TLCD5: variants seen among roughly 807,000 people sequenced by gnomAD.
The protein encoded by TLCD5 is TLC domain containing 5.
TLCD5 carries 15 observed loss-of-function variants against 20.5 expected under a neutral mutation model. The observed-to-expected ratio is 0.73, with a 90% CI of 0.49 to 1.13. The LOEUF is 1.13. Among genes scored for constraint, TLCD5 ranks in the 50% most tolerant of loss-of-function variants. The pLI, the probability that TLCD5 is intolerant of heterozygous loss-of-function variation, is 0.00. For synonymous variants in TLCD5, 107 were observed against 114.7 expected (o/e 0.93, Z 0.43); for missense variants, 289 against 305.6 (o/e 0.95, Z 0.41).
In TLCD5 at chr11:120,325,317, C is replaced by A. The variant is rs1175038592; in HGVS notation, c.-53C>A. ...CCGCTTCCTGTTGCCGCGATCCGGGCCGGGAGCTGCGGGCGCCCGGGCGCC... is the reference window on the plus strand; with the variant it reads ...CCGCTTCCTGTTGCCGCGATCCGGGACGGGAGCTGCGGGCGCCCGGGCGCC... On this transcript the variant is annotated 5_prime_UTR_variant, in exon 1 of 3. Transcript: ENST00000375095. 1 of 152,248 alleles carries A rather than the reference C, an allele frequency of 6.6e-6. No individual in the cohort carries two copies. Among genetic ancestry groups the A allele is most frequent in the Non-Finnish European group, 1.5e-5 (1 of 68,090 alleles). 9.4% of individuals were successfully genotyped at this position (152,248 alleles called of 1,614,324 possible).
Position 120,330,587 on chromosome 11 carries a change from A to T in TLCD5, c.*72A>T. 6.7e-7 allele frequency: 1 copy of T among 1,483,980 alleles called. No homozygotes were observed. Among genetic ancestry groups the T allele is most frequent in the Non-Finnish European group, 9.0e-7 (1 of 1,109,558 alleles). The allele number at this position is 1,483,980 out of a possible 1,614,324, so 91.9% of individuals were successfully genotyped here. A position where few individuals can be genotyped will look rare whatever the true frequency, so the allele number is the denominator to read the frequency against. ...ACCAGGTTGGAAATATGACTGTTAC[A>T]TAATTACACTTATAACAAACTTAGG... On this transcript the variant is annotated 3_prime_UTR_variant, in exon 3 of 3. Transcript: ENST00000375095.
At chr11:120,328,857 G>A (rs1942073397) in intron 2 of TLCD5, among the ~76,000 whole-genome samples, 1 of 149,048 alleles carries the variant, frequency 6.7e-6, no homozygotes, top group Admixed American at 6.7e-5. Flanking sequence ...GTGTGTGTGT[G>A]TGTGTGTATG....
rs1591461170 is a variant in TLCD5 at position 120,330,161 on chromosome 11, A to G, written c.384A>G (p.Ala128=). The G allele has an allele frequency of 6.2e-7, 1 of 1,603,672 alleles. No individual in the cohort carries two copies. The highest frequency in any genetic ancestry group is 1.1e-5 in the South Asian group (1 of 89,834). ...VLGESGTEVN[A]VLFGSELTNP... ...GGGAGTCTGGCACAGAGGTCAATGCAGTCCTCTTTGGAAGTGAGCTTACCA... is the reference window on the plus strand; with the variant it reads ...GGGAGTCTGGCACAGAGGTCAATGCGGTCCTCTTTGGAAGTGAGCTTACCA... Residue 128 remains alanine (A), a synonymous_variant, in exon 3 of 3, where the codon GCA becomes GCG. Transcript: ENST00000375095.
rs151157198 is a variant in TLCD5, at chr11:120,329,160, T to C, written c.200-817T>C. Among the ~76,000 whole-genome samples, 25 of 152,016 alleles carry C rather than the reference T, an allele frequency of 1.6e-4. No homozygotes were observed. The East Asian group carries it at 4.8e-3, about 29-fold the overall frequency. ...TCCCTTTTAAGTATAACAGTCATAT[T>C]GGATTACTCTAATTACCCCATTTTA... On this transcript the variant is annotated intron_variant, in intron 2 of 2. Transcript: ENST00000375095.
In TLCD5 at chr11:120,331,574, T is replaced by C. The variant is rs1437942881; in HGVS notation, c.*1059T>C. The C allele has an allele frequency of 6.6e-6, 1 of 152,252 alleles. No homozygotes were observed. The highest frequency in any genetic ancestry group is 1.5e-5 in the Non-Finnish European group (1 of 68,070). The allele number at this position is 152,252 out of a possible 1,614,324, so 9.4% of individuals were successfully genotyped here. On this transcript the variant is annotated 3_prime_UTR_variant, in exon 3 of 3. Transcript: ENST00000375095. The surrounding 1 kb of genome is among the most constrained non-coding windows in gnomAD (Gnocchi z 4.5). ...GTGGGAGCCCCTCCAAAATCTAAGT[T>C]CCCAAATGCCGGCCAGTGGCCAACC...
intron 1 of TLCD5, among the ~76,000 whole-genome samples, chr11:120,326,721 T>TTA (rs1338759027): frequency 2.0e-5 from 3 of 152,218 alleles, no homozygotes; most frequent in African/African-American, 7.2e-5. Flanking sequence ...AACTGAATAA[T>TTA]TGCCTTAAGG....
Position 120,328,917 on chromosome 11 carries a change from A to AGTGTGT in TLCD5, c.200-1037_200-1032dup, listed in dbSNP as rs369015878. 5.3e-4 allele frequency among the ~76,000 whole-genome samples: 17 copies of AGTGTGT among 32,290 alleles called. 1 individual carries two copies. Among genetic ancestry groups the AGTGTGT allele is most frequent in the African/African-American group, 2.1e-3 (14 of 6,812 alleles). 21.2% of individuals were successfully genotyped at this position (32,290 alleles called of 152,430 possible). On this transcript the variant is annotated intron_variant, in intron 2 of 2. Transcript: ENST00000375095. ...AATCCCTTCTAAGGATAACAGTCAT[A>AGTGTGT]GTGTGTGTGTGTGTGTGTGTGTGTG...
chr11:120,327,219 A>C (rs1002541902), intron 1 of TLCD5: 6 of 745,544 alleles, frequency 8.0e-6, no homozygotes, highest in Non-Finnish European at 1.3e-5. Context: ...TCCAGTTTAC[A>C]ACATTGACCA....
In TLCD5 at chr11:120,333,406, TC is replaced by T. The variant is rs1942197319; in HGVS notation, c.*2894del. The T allele has an allele frequency of 6.6e-6, 1 of 152,160 alleles. No individual in the cohort carries two copies. The highest frequency in any genetic ancestry group is 2.1e-4 in the South Asian group (1 of 4,822). 9.4% of individuals were successfully genotyped at this position (152,160 alleles called of 1,614,324 possible). On this transcript the variant is annotated 3_prime_UTR_variant, in exon 3 of 3. Coordinates refer to ENST00000375095, the MANE Select transcript of TLCD5 (RefSeq NM_001198671.2). This position sits in a 1 kb window ranked among gnomAD's most constrained non-coding sequence, Gnocchi z 4.5. ...TGAATAATTGGTAAGGGGAAGGGAA[TC>T]CCTCATTTCAGCTTTTCTTGATGTT... is the stretch of plus-strand genomic sequence containing the variant.
intron 2 of TLCD5, 120 bp downstream of exon 2, chr11:120,327,760 AT>A: frequency 9.8e-7 from 1 of 1,020,972 alleles, no homozygotes; most frequent in Non-Finnish European, 1.4e-6. Context: ...TTGTATTGGA[AT>A]CCTTATTCTT....
chr11:120,328,165 C>T (rs528108386), intron 2 of TLCD5, among the ~76,000 whole-genome samples: 3 of 151,960 alleles, frequency 2.0e-5, no homozygotes, highest in Non-Finnish European at 2.9e-5. Context: ...CAGCAAGCTC[C>T]GCCTCCCAGG....
intron 1 of TLCD5, 37 bp from the exon 2 acceptor site, chr11:120,327,404 A>C: frequency 6.2e-7 from 1 of 1,614,090 alleles, no homozygotes; most frequent in African/African-American, 1.3e-5. Flanking sequence ...CTTAGGGTGC[A>C]TCCTTTGTTT....
Position 120,328,562 on chromosome 11 carries a change from C to T in TLCD5, c.199+922C>T, listed in dbSNP as rs1304836795. Among the ~76,000 whole-genome samples, 3 of 151,294 alleles carry T rather than the reference C, an allele frequency of 2.0e-5. No homozygotes were observed. The East Asian group carries it at 5.8e-4, about 29-fold the overall frequency. ...CCTCTGTCCTTGGCTTGCACATGGC[C>T]GCTCTCCCACTGTGTCCTTCCATGG... On this transcript the variant is annotated intron_variant, in intron 2 of 2. Coordinates refer to ENST00000375095, the MANE Select transcript of TLCD5 (RefSeq NM_001198671.2).
intron 2 of TLCD5, among the ~76,000 whole-genome samples, chr11:120,328,396 T>G (rs2135164717): frequency 1.3e-5 from 2 of 152,274 alleles, no homozygotes; most frequent in Non-Finnish European, 2.9e-5. Flanking sequence ...TGCAAAAATT[T>G]TACCCCCTTG....
At chr11:120,328,206 A>G (rs1201194467) in intron 2 of TLCD5, among the ~76,000 whole-genome samples, 1 of 151,812 alleles carries the variant, frequency 6.6e-6, no homozygotes, top group Admixed American at 6.6e-5. Context: ...CAGCCTCCCG[A>G]GTAGCTGGGA....
At position 120,329,962 on chromosome 11, in the gene TLCD5, C is replaced by T. The variant is rs117207582; in HGVS notation, c.200-15C>T. ...TCCCAGTCACTCAATTTGCTTCTGT[C>T]TTGGTTTGTTTCAGGCTCACCCAAT... is the stretch of plus-strand genomic sequence containing the variant. On this transcript the variant is annotated splice_polypyrimidine_tract_variant and intron_variant, in intron 2 of 2. Coordinates refer to ENST00000375095, the MANE Select transcript of TLCD5 (RefSeq NM_001198671.2). 46,307 of 1,600,804 alleles carry T rather than the reference C, an allele frequency of 0.029. 784 individuals carry two copies. The highest frequency in any genetic ancestry group is 0.036 in the Middle Eastern group (216 of 6,008).
chr11:120,329,686 G>A (rs532696295), intron 2 of TLCD5, among the ~76,000 whole-genome samples: 43 of 152,298 alleles, frequency 2.8e-4, no homozygotes, highest in African/African-American at 1.0e-3. Context: ...ATTTTATGCT[G>A]TTCCGCGGAG....
chr11:120,328,091 A>G (rs533300447), intron 2 of TLCD5, among the ~76,000 whole-genome samples: 15 of 145,586 alleles, frequency 1.0e-4, no homozygotes, highest in African/African-American at 3.8e-4. Context: ...GAAGTATGCA[A>G]TTTTTTTTTT....
chr11:120,329,041 G>A (rs112811189), intron 2 of TLCD5, among the ~76,000 whole-genome samples: 13 of 128,902 alleles, frequency 1.0e-4, no homozygotes, highest in African/African-American at 2.4e-4. Flanking sequence ...ATATGTATGC[G>A]TATCTGTGTC....
Sources: gnomAD v4.1 joint callset for allele counts (sites outside exome capture counted in the v4.1 genomes callset) on GRCh38, gnomAD v4.1.1 for gene constraint, Gnocchi (gnomAD v3.1) non-coding constraint, MANE v1.5 for transcripts, NCBI Gene and HGNC (gene_info 2026-07-23, HGNC 2026-07-21) for gene names.